The following PRP4K variants were observed in gnomAD, a reference collection of about 807,000 sequenced individuals.
PRP4K encodes the protein pre-mRNA processing factor kinase PRP4K.
the PRP4K span, among the ~76,000 whole-genome samples, chr6:4,041,779 AAC>A: frequency 6.6e-6 from 1 of 152,206 alleles, no homozygotes; most frequent in Non-Finnish European, 1.5e-5. Context: ...CATATCAAAA[AAC>A]AAATCATGCT....
chr6:4,032,928 CA>C, the PRP4K span, among the ~76,000 whole-genome samples: 1 of 152,140 alleles, frequency 6.6e-6, no homozygotes, highest in Non-Finnish European at 1.5e-5. Flanking sequence ...TTAATATTTG[CA>C]CTTTTTTCGA....
the PRP4K span, chr6:4,032,537 G>C: frequency 3.1e-6 from 5 of 1,613,534 alleles, no homozygotes; most frequent in African/African-American, 5.3e-5. Flanking sequence ...AAGAAAATAG[G>C]TCACCCAGCA....
chr6:4,051,886 C>A, the PRP4K span: 1 of 1,023,864 alleles, frequency 9.8e-7, no homozygotes. Flanking sequence ...CTGGGGCTAG[C>A]AAATACATTA....
At chr6:4,063,286 T>A in the PRP4K span, 2 of 152,154 alleles carry the variant, frequency 1.3e-5, no homozygotes, top group Non-Finnish European at 2.9e-5. Flanking sequence ...ACTTCCTGCC[T>A]CTCCCCTCCC....
At chr6:4,030,095 G>A in the PRP4K span, among the ~76,000 whole-genome samples, 4 of 151,946 alleles carry the variant, frequency 2.6e-5, no homozygotes, top group Admixed American at 6.6e-5. Flanking sequence ...GGCATGTGCC[G>A]CTACATCTGG....
At chr6:4,054,516 T>A in the PRP4K span, among the ~76,000 whole-genome samples, 1 of 152,132 alleles carries the variant, frequency 6.6e-6, no homozygotes, top group Admixed American at 6.5e-5. Flanking sequence ...TTTACCTCAG[T>A]TTTTTTTATG....
chr6:4,046,655 T>C, the PRP4K span, among the ~76,000 whole-genome samples: 1 of 151,412 alleles, frequency 6.6e-6, no homozygotes, highest in East Asian at 1.9e-4. Context: ...CATTGGGTCT[T>C]TCAACTTTTT....
At chr6:4,033,966 A>G in the PRP4K span, among the ~76,000 whole-genome samples, 2 of 152,212 alleles carry the variant, frequency 1.3e-5, no homozygotes, top group Admixed American at 1.3e-4. Flanking sequence ...GGAGTTTATT[A>G]AGGACTAGAG....
the PRP4K span, among the ~76,000 whole-genome samples, chr6:4,059,484 T>C: frequency 6.6e-6 from 1 of 152,238 alleles, no homozygotes; most frequent in South Asian, 2.1e-4. Flanking sequence ...CCCATTATTA[T>C]AGCATATGTC....
chr6:4,027,789 A>G, the PRP4K span, among the ~76,000 whole-genome samples: 107 of 152,284 alleles, frequency 7.0e-4, no homozygotes, highest in African/African-American at 2.4e-3. Context: ...ATTTGAACCC[A>G]GGCAGTCTGG....
At chr6:4,023,017 A>C in the PRP4K span, among the ~76,000 whole-genome samples, 1 of 152,206 alleles carries the variant, frequency 6.6e-6, no homozygotes, top group Non-Finnish European at 1.5e-5. Flanking sequence ...CTGCTGTATG[A>C]GTAACAGAGA....
At chr6:4,038,869 G>A in the PRP4K span, among the ~76,000 whole-genome samples, 171 of 150,200 alleles carry the variant, frequency 1.1e-3, 1 homozygote, top group African/African-American at 4.0e-3. Context: ...CTAATTACTA[G>A]ATAGGCCCTT....
chr6:4,035,063 C>T, the PRP4K span, among the ~76,000 whole-genome samples: 1 of 151,574 alleles, frequency 6.6e-6, no homozygotes, highest in African/African-American at 2.4e-5. Context: ...TTACTTTATC[C>T]CATCCATTTA....
the PRP4K span, chr6:4,052,023 A>G: frequency 6.2e-7 from 1 of 1,607,268 alleles, no homozygotes; most frequent in Non-Finnish European, 8.5e-7. Flanking sequence ...CTGATGACAA[A>G]TTTCATTGTC....
chr6:4,046,685 G>A, the PRP4K span, among the ~76,000 whole-genome samples: 15 of 148,856 alleles, frequency 1.0e-4, no homozygotes, highest in South Asian at 2.1e-4. Flanking sequence ...TTGAGCCAGA[G>A]TCCAATTCTG....
chr6:4,060,704 T>C, the PRP4K span: 3 of 1,196,382 alleles, frequency 2.5e-6, no homozygotes, highest in Non-Finnish European at 3.5e-6. This position sits in a 1 kb window ranked among gnomAD's most constrained non-coding sequence, Gnocchi z 4.7. Flanking sequence ...AACTTATAAA[T>C]ATTTCTCCAG....
chr6:4,048,191 A>G, the PRP4K span, among the ~76,000 whole-genome samples: 1 of 151,964 alleles, frequency 6.6e-6, no homozygotes, highest in Non-Finnish European at 1.5e-5. Context: ...ATCCTGGCTA[A>G]TACGGTGAAA....
At chr6:4,057,391 T>A in the PRP4K span, among the ~76,000 whole-genome samples, 3 of 152,216 alleles carry the variant, frequency 2.0e-5, no homozygotes, top group African/African-American at 7.2e-5. Context: ...ATAAGAGAAC[T>A]TGTTCAATGA....
At chr6:4,048,263 C>T in the PRP4K span, among the ~76,000 whole-genome samples, 2 of 151,736 alleles carry the variant, frequency 1.3e-5, no homozygotes, top group African/African-American at 4.8e-5. Flanking sequence ...CCTGTAGTCC[C>T]AGCTACTCGG....
Sources: gnomAD v4.1 joint callset for allele counts (sites outside exome capture counted in the v4.1 genomes callset) on GRCh38, gnomAD v4.1.1 for gene constraint, Gnocchi (gnomAD v3.1) non-coding constraint, MANE v1.5 for transcripts, NCBI Gene and HGNC (gene_info 2026-07-23, HGNC 2026-07-21) for gene names.